SYMPK: variants seen among roughly 807,000 people sequenced by gnomAD.
The protein encoded by SYMPK is symplekin.
In SYMPK, 49 loss-of-function variants were observed where a neutral mutation model predicts 136.4. The ratio of observed to expected loss-of-function variants is 0.36; its 90% CI spans 0.29 to 0.46. The LOEUF (loss-of-function observed/expected upper bound fraction) is 0.46, where lower values mean the gene tolerates loss of function less well. SYMPK is among the 20% of genes least tolerant of loss of function. SYMPK has a pLI of 1.00. For synonymous variants in SYMPK, 766 were observed against 713.0 expected (o/e 1.07, Z -1.19); for missense variants, 1,365 against 1,690.0 (o/e 0.81, Z 3.37).
In SYMPK at chr19:45,827,536, C is replaced by T. The variant is rs779755274; in HGVS notation, c.2155G>A (p.Asp719Asn). The change falls in exon 16 of 27, where the codon GAC (aspartate) becomes AAC (asparagine). Residue 719 changes from aspartate (D) to asparagine (N), a missense_variant. Asp to Asn is a conservative substitution (Grantham distance 23, BLOSUM62 1). Around this residue, in one of 11 missense-constraint regions of SYMPK, gnomAD observed 303 missense variants for 326.6 expected, o/e 0.93. Transcript: ENST00000245934. ...TTGTCCTTCTCATGGGAGCTGAGGTCGAGGAGGACATGCAGGTACTGGAAC... is the reference window on the plus strand; with the variant it reads ...TTGTCCTTCTCATGGGAGCTGAGGTTGAGGAGGACATGCAGGTACTGGAAC... ...RQFQYLHVLL[D>N]LSSHEKDKVR... 13 of 1,613,844 alleles carry T rather than the reference C, an allele frequency of 8.1e-6. No individual in the cohort carries two copies. The highest frequency in any genetic ancestry group is 2.2e-5 in the East Asian group (1 of 44,872).
Position 45,825,335 on chromosome 19 carries a change from A to G in SYMPK, c.2330-4T>C, listed in dbSNP as rs1287809429. 1 of 1,613,144 alleles carries G rather than the reference A, an allele frequency of 6.2e-7. No individual in the cohort carries two copies. Among genetic ancestry groups the G allele is most frequent in the Admixed American group, 1.7e-5 (1 of 59,918 alleles). On this transcript the variant is annotated splice_region_variant and splice_polypyrimidine_tract_variant and intron_variant, in intron 17 of 26. Coordinates refer to ENST00000245934, the MANE Select transcript of SYMPK (RefSeq NM_004819.3). ...TCCGTCCAGGGTGCTGCCACCTCTG[A>G]CAGGGCAGGAGCGGGCATCAGATTG...
intron 22 of SYMPK, chr19:45,820,089 GGTGGCCTGT>G (rs1410120116): frequency 1.3e-5 from 2 of 152,374 alleles, no homozygotes; most frequent in Non-Finnish European, 2.9e-5. Flanking sequence ...CCTGGCTCCT[GGTGGCCTGT>G]GTGGCCTCCG....
In SYMPK at chr19:45,851,677, C is replaced by T. The variant is rs1344869019; in HGVS notation, c.299+635G>A. ...TCACCTGAGGTCAGGAGTTTGAGACCAGCCTGGCCAACATTGCAAAACCCC... is the reference window on the plus strand; with the variant it reads ...TCACCTGAGGTCAGGAGTTTGAGACTAGCCTGGCCAACATTGCAAAACCCC... On this transcript the variant is annotated intron_variant, in intron 5 of 26. Transcript: ENST00000245934. Among the ~76,000 whole-genome samples, 4 of 151,812 alleles carry T rather than the reference C, an allele frequency of 2.6e-5. No homozygotes were observed. The East Asian group carries it at 7.8e-4, about 29-fold the overall frequency.
chr19:45,840,099 G>C (rs2146326812), intron 9 of SYMPK, among the ~76,000 whole-genome samples: 1 of 152,070 alleles, frequency 6.6e-6, no homozygotes, highest in South Asian at 2.1e-4. Flanking sequence ...GATTACCTGA[G>C]GTCAGGAGTT....
intron 9 of SYMPK, among the ~76,000 whole-genome samples, chr19:45,841,285 T>A (rs920253947): frequency 7.6e-6 from 1 of 131,828 alleles, no homozygotes; most frequent in African/African-American, 2.9e-5. Flanking sequence ...TGCCTGGCAA[T>A]TCCCCCCCCA....
chr19:45,852,607 A>T, intron 3 of SYMPK, 72 bp from the exon 4 acceptor site: 1 of 1,568,806 alleles, frequency 6.4e-7, no homozygotes, highest in Non-Finnish European at 8.8e-7. Flanking sequence ...CAGACAGGAG[A>T]GTAGAGGGGA....
rs748941711 is a variant in SYMPK, at chr19:45,826,275, C to T, written c.2280G>A (p.Leu760=). 1 of 1,613,666 alleles carries T rather than the reference C, an allele frequency of 6.2e-7. No individual in the cohort carries two copies. Among genetic ancestry groups the T allele is most frequent in the Non-Finnish European group, 8.5e-7 (1 of 1,179,860 alleles). The change falls in exon 17 of 27, where the codon CTG becomes CTA. Residue 760 remains leucine, a synonymous_variant. Coordinates refer to ENST00000245934, the MANE Select transcript of SYMPK (RefSeq NM_004819.3). ...EKFALNYLQL[L]VHPNPPSVLF... ...GCACAGACGGTGGGTTGGGGTGCAC[C>T]AGGAGCTGCAGGTAGTTGAGGGCAA... is the stretch of plus-strand genomic sequence containing the variant.
At chr19:45,827,371 C>CA (rs1258042724) in intron 16 of SYMPK, 139 bp downstream of exon 16, 12 of 648,024 alleles carry the variant, frequency 1.9e-5, no homozygotes, top group Non-Finnish European at 3.0e-5. Flanking sequence ...CAGAAATAGC[C>CA]AAAAAACCAC....
rs1971361690 is a variant in SYMPK, at chr19:45,838,559, T to A, written c.1144A>T (p.Thr382Ser). The A allele has an allele frequency of 1.9e-6, 3 of 1,613,932 alleles. No homozygotes were observed. The highest frequency in any genetic ancestry group is 1.7e-5 in the Admixed American group (1 of 59,972). ...GAGATCTGCGCTGAGGCCTTCGAGG[T>A]CCCCGACGGGCCTGGCTCCAAGTCT... ...DKDLEPGPSG[T>S]SKASAQISGQ... Residue 382 changes from threonine (T) to serine (S), a missense_variant, in exon 10 of 27, where the codon ACC becomes TCC. Coordinates refer to ENST00000245934, the MANE Select transcript of SYMPK (RefSeq NM_004819.3).
chr19:45,857,062 G>A (rs988300897), intron 1 of SYMPK, among the ~76,000 whole-genome samples: 1 of 151,918 alleles, frequency 6.6e-6, no homozygotes, highest in African/African-American at 2.4e-5. Context: ...AGGCTGCAGT[G>A]AGCTGAGATC....
Position 45,816,195 on chromosome 19 carries a change from G to T in SYMPK, c.3355-12C>A. On this transcript the variant is annotated splice_polypyrimidine_tract_variant and intron_variant, in intron 25 of 26. Transcript: ENST00000245934. ...GGCTCCAGATCATCCTGGGGATAGGGAGGGCCACACAGAAGCTCAGAGGTG... is the reference window on the plus strand; with the variant it reads ...GGCTCCAGATCATCCTGGGGATAGGTAGGGCCACACAGAAGCTCAGAGGTG... 6.6e-7 allele frequency: 1 copy of T among 1,503,852 alleles called. No individual in the cohort carries two copies. Among genetic ancestry groups the T allele is most frequent in the East Asian group, 2.4e-5 (1 of 41,834 alleles). 93.2% of individuals were successfully genotyped at this position (1,503,852 alleles called of 1,614,324 possible). A position where few individuals can be genotyped will look rare whatever the true frequency, so the allele number is the denominator to read the frequency against.
Position 45,830,093 on chromosome 19 carries a change from C to A in SYMPK, c.1710G>T (p.Leu570=). 1 of 1,568,342 alleles carries A rather than the reference C, an allele frequency of 6.4e-7. No homozygotes were observed. Residue 570 remains leucine (L), a synonymous_variant, in exon 13 of 27, where the codon CTG becomes CTT. Coordinates refer to ENST00000245934, the MANE Select transcript of SYMPK (RefSeq NM_004819.3). ...TGCAGGCCACAGCCTTCTCAGCCCGCAGGATCCGCTTCACAGCGCCCAGCT... is the reference window on the plus strand; with the variant it reads ...TGCAGGCCACAGCCTTCTCAGCCCGAAGGATCCGCTTCACAGCGCCCAGCT... ...AMKLGAVKRI[L]RAEKAVACSG... is the part of the protein sequence containing the mutation.
intron 6 of SYMPK, among the ~76,000 whole-genome samples, chr19:45,848,449 T>C (rs1275143987): frequency 6.6e-6 from 1 of 152,214 alleles, no homozygotes; most frequent in Non-Finnish European, 1.5e-5. Flanking sequence ...GTGAAGGCAG[T>C]AAGCTGTCTT....
chr19:45,858,282 A>C (rs970935820), intron 1 of SYMPK, among the ~76,000 whole-genome samples: 1 of 152,116 alleles, frequency 6.6e-6, no homozygotes, highest in Admixed American at 6.6e-5. Flanking sequence ...ATTTTATGGC[A>C]TCTGGCCTGT....
chr19:45,827,909 G>C lies in SYMPK; in HGVS notation c.1995C>G (p.Thr665=), dbSNP rs1971084733. 1 of 1,613,850 alleles carries C rather than the reference G, an allele frequency of 6.2e-7. No individual in the cohort carries two copies. Among genetic ancestry groups the C allele is most frequent in the Middle Eastern group, 1.6e-4 (1 of 6,062 alleles). The change falls in exon 15 of 27, where the codon ACC becomes ACG. Residue 665 remains threonine, a synonymous_variant. Transcript: ENST00000245934. ...TGAGTGGCGCCTCCAGCACAACCTT[G>C]GTGAAGATCCTGCCAGAGATGGAGG... ...EKPDQKDGIF[T]KVVLEAPLIT...
At chr19:45,848,080 A>T in intron 6 of SYMPK, 79 bp from the exon 7 acceptor site, 1 of 1,477,212 alleles carries the variant, frequency 6.8e-7, no homozygotes, top group South Asian at 1.4e-5. Flanking sequence ...ACCCTCTGCC[A>T]ATACCCAGAG....
chr19:45,816,981 C>CAGGG lies in SYMPK; in HGVS notation c.3082-11_3082-8dup. 2 of 1,556,896 alleles carry CAGGG rather than the reference C, an allele frequency of 1.3e-6. No individual in the cohort carries two copies. The highest frequency in any genetic ancestry group is 1.7e-6 in the Non-Finnish European group (2 of 1,150,660). On this transcript the variant is annotated splice_region_variant and splice_polypyrimidine_tract_variant and intron_variant, in intron 23 of 26. Coordinates refer to ENST00000245934, the MANE Select transcript of SYMPK (RefSeq NM_004819.3). Reference sequence around the variant, plus strand: ...CCTTGGGGTACTTCCACACCTGAACCAGGGAGGGAGGGAGCCGTCGGGAGA... The same window carrying CAGGG: ...CCTTGGGGTACTTCCACACCTGAACCAGGGAGGGAGGGAGGGAGCCGTCGGGAGA...
At chr19:45,836,764 C>T (rs140895538) in intron 10 of SYMPK, among the ~76,000 whole-genome samples, 2,279 of 152,224 alleles carry the variant, frequency 0.015, 37 homozygotes, top group Non-Finnish European at 0.019. Flanking sequence ...TCAGCCTCTC[C>T]AGTGGCTGGG....
chr19:45,829,010 G>A lies in SYMPK; in HGVS notation c.1945C>T (p.Leu649=). The change falls in exon 14 of 27, where the codon CTG becomes TTG. Residue 649 remains leucine (L), a synonymous_variant. Coordinates refer to ENST00000245934, the MANE Select transcript of SYMPK (RefSeq NM_004819.3). The part of the protein sequence containing the change: ...LDKYEDCLIR[L]LSGLQEKPDQ... ...GGTTTCTCCTGCAGGCCAGACAACA[G>A]GCGGATGAGGCAGTCCTCATACTTG... 3 of 1,614,234 alleles carry A rather than the reference G, an allele frequency of 1.9e-6. No individual in the cohort carries two copies. Among genetic ancestry groups the A allele is most frequent in the Non-Finnish European group, 1.7e-6 (2 of 1,180,052 alleles).
Sources: allele counts gnomAD v4.1 joint callset (sites outside exome capture counted in the v4.1 genomes callset), GRCh38; gene constraint gnomAD v4.1.1; regional missense constraint gnomAD v4.1.1; transcripts MANE v1.5; gene names NCBI Gene and HGNC (gene_info 2026-07-23, HGNC 2026-07-21).